NUP160: variants seen among roughly 807,000 people sequenced by gnomAD.
NUP160 encodes nucleoporin 160, also known as nuclear pore complex protein Nup160.
A neutral mutation model predicts 196.9 loss-of-function variants in NUP160; 94 were observed. The ratio of observed to expected loss-of-function variants is 0.48; its 90% CI spans 0.40 to 0.57. The LOEUF is 0.57. NUP160 is among the 20% of genes least tolerant of loss of function. The pLI is 0.00. For synonymous variants in NUP160, 605 were observed against 619.7 expected, an observed-to-expected ratio of 0.98 and a Z score of 0.35; for missense variants, 1,638 against 1,748.3, an observed-to-expected ratio of 0.94 and a Z score of 1.13.
chr11:47,785,130 G>A, intron 32 of NUP160, 67 bp from the exon 33 acceptor site: 1 of 611,960 alleles, frequency 1.6e-6, no homozygotes, highest in South Asian at 4.6e-5. Flanking sequence ...ACCATTCAAA[G>A]CATGTATTTA....
intron 34 of NUP160, 88 bp from the exon 35 acceptor site, chr11:47,780,535 A>C: frequency 1.4e-6 from 1 of 734,520 alleles, no homozygotes; most frequent in Non-Finnish European, 2.1e-6. Flanking sequence ...GTAGAATAAA[A>C]TACCCTTTTT....
chr11:47,818,277 A>G (rs1227643224), intron 10 of NUP160, among the ~76,000 whole-genome samples, 153 bp from the exon 11 acceptor site: 1 of 152,206 alleles, frequency 6.6e-6, no homozygotes, highest in East Asian at 1.9e-4. Context: ...ATGTTTTCAC[A>G]CTGAAAGTGA....
intron 5 of NUP160, 80 bp downstream of exon 5, chr11:47,837,465 G>T: frequency 9.4e-7 from 1 of 1,065,478 alleles, no homozygotes; most frequent in Non-Finnish European, 1.5e-6. Context: ...CTTGGAATAA[G>T]ACTGGAAACA....
chr11:47,842,357 G>A (rs1002423534), intron 2 of NUP160, among the ~76,000 whole-genome samples: 1 of 152,008 alleles, frequency 6.6e-6, no homozygotes, highest in Non-Finnish European at 1.5e-5. Context: ...GGTAACTCAC[G>A]GCATCAGCAC....
intron 10 of NUP160, among the ~76,000 whole-genome samples, chr11:47,818,738 C>T (rs1851792489): frequency 6.6e-6 from 1 of 151,862 alleles, no homozygotes. Context: ...ATAAAATGAC[C>T]AAAATGAAGG....
intron 2 of NUP160, among the ~76,000 whole-genome samples, chr11:47,847,022 A>G (rs1375598913): frequency 1.3e-5 from 2 of 152,182 alleles, no homozygotes; most frequent in African/African-American, 2.4e-5. Context: ...CTTAGGATAA[A>G]ATCCAAAAAT....
chr11:47,820,763 G>C (rs147838379), intron 9 of NUP160, among the ~76,000 whole-genome samples: 5,433 of 152,154 alleles, frequency 0.036, 101 homozygotes, highest in Middle Eastern at 0.065. Flanking sequence ...TGTTGGCCAG[G>C]CTGGTCTCAA....
intron 11 of NUP160, among the ~76,000 whole-genome samples, chr11:47,816,612 T>A (rs2097684622): frequency 6.6e-6 from 1 of 152,114 alleles, no homozygotes; most frequent in African/African-American, 2.4e-5. Flanking sequence ...TTGTCTCTAC[T>A]AAAAACTACA....
At position 47,815,627 on chromosome 11, in the gene NUP160, T is replaced by C. The variant is rs1001497638; in HGVS notation, c.1538A>G (p.Tyr513Cys). ...TCGAAACTCCTCCTGGGAGAATTCA[T>C]ACTCTGTTACACTTCCTTGAAGCTG... is the stretch of plus-strand genomic sequence containing the variant. Residue 513 changes from tyrosine (Y) to cysteine (C), a missense_variant, in exon 13 of 36, where the codon TAT becomes TGT. Around this residue, in one of 3 missense-constraint regions of NUP160, gnomAD observed 1,345 missense variants for 1,470.2 expected, o/e 0.91. Transcript: ENST00000378460. 2.7e-5 allele frequency: 44 copies of C among 1,606,030 alleles called. No homozygotes were observed. Among genetic ancestry groups the C allele is most frequent in the Non-Finnish European group, 3.3e-5 (39 of 1,177,658 alleles).
intron 10 of NUP160, among the ~76,000 whole-genome samples, 194 bp downstream of exon 10, chr11:47,819,180 G>C (rs1851801926): frequency 6.6e-6 from 1 of 151,972 alleles, no homozygotes; most frequent in South Asian, 2.1e-4. Flanking sequence ...GGGTGTGGTG[G>C]TACGTGACTG....
intron 19 of NUP160, 37 bp from the exon 20 acceptor site, chr11:47,806,349 G>A (rs779333427): frequency 6.7e-7 from 1 of 1,500,384 alleles, no homozygotes; most frequent in South Asian, 1.2e-5. Flanking sequence ...TTGTGTAGTG[G>A]TAATTATCAA....
exon 36 of NUP160, chr11:47,778,927 C>G (rs1257008018): frequency 9.6e-6 from 5 of 523,138 alleles, no homozygotes; most frequent in African/African-American, 5.8e-5. Context: ...GTTAGCACCA[C>G]CAGCAAGCAC....
At chr11:47,843,695 C>CTA (rs749299591) in intron 2 of NUP160, among the ~76,000 whole-genome samples, 17 of 152,186 alleles carry the variant, frequency 1.1e-4, no homozygotes, top group Non-Finnish European at 1.9e-4. Context: ...GCTTAACACC[C>CTA]TATAGCATAC....
intron 6 of NUP160, among the ~76,000 whole-genome samples, chr11:47,836,364 C>A (rs1225352035): frequency 1.3e-5 from 2 of 152,116 alleles, no homozygotes; most frequent in African/African-American, 4.8e-5. Flanking sequence ...ATCTTGAAAA[C>A]CATTTTACCA....
At chr11:47,779,665 G>C (rs1163144497) in intron 35 of NUP160, 2 of 476,400 alleles carry the variant, frequency 4.2e-6, no homozygotes, top group African/African-American at 2.0e-5. Context: ...TATGACTCCT[G>C]AGAAATGTTG....
chr11:47,802,506 A>G (rs2097674790), intron 22 of NUP160, among the ~76,000 whole-genome samples: 1 of 152,126 alleles, frequency 6.6e-6, no homozygotes, highest in Non-Finnish European at 1.5e-5. Context: ...AACTGTAGCA[A>G]TATGTTAACA....
At chr11:47,812,108 C>A (rs2097681508) in exon 17 of NUP160, 1 of 1,614,132 alleles carries the variant, frequency 6.2e-7, no homozygotes. Context: ...ATCAAAAGAT[C>A]TCTGCAGATC....
At chr11:47,814,070 C>CAA (rs5791787) in intron 13 of NUP160, among the ~76,000 whole-genome samples, 555 of 39,726 alleles carry the variant, frequency 0.014, 91 homozygotes, top group Middle Eastern at 0.038. Flanking sequence ...GACTCTGTCT[C>CAA]AAAAAAAAAA....
At chr11:47,786,918 A>G (rs2097664830) in intron 31 of NUP160, 2 of 239,236 alleles carry the variant, frequency 8.4e-6, no homozygotes, top group Non-Finnish European at 1.7e-5. Context: ...CCTCCTGAGT[A>G]GCTGGGACTA....
Sources: gnomAD v4.1 joint callset for allele counts (sites outside exome capture counted in the v4.1 genomes callset) on GRCh38, gnomAD v4.1.1 for gene constraint, gnomAD v4.1.1 regional missense constraint, MANE v1.5 for transcripts, NCBI Gene and HGNC (gene_info 2026-07-23, HGNC 2026-07-21) for gene names.